GDAP1L1: variants seen among roughly 807,000 people sequenced by gnomAD.
GDAP1L1 encodes ganglioside induced differentiation associated protein 1 like 1.
A neutral mutation model predicts 37.1 loss-of-function variants in GDAP1L1; 21 were observed. That is an observed-to-expected ratio of 0.57 (90% CI 0.40 to 0.81). The LOEUF is 0.81. Ranked by LOEUF, GDAP1L1 falls within the 40% of genes least tolerant of loss-of-function variation. GDAP1L1 has a pLI of 0.00. For missense variants in GDAP1L1, 362 were observed against 491.6 expected (o/e 0.74, Z 2.49); for synonymous variants, 193 against 209.1 (o/e 0.92, Z 0.67).
rs958807847 is a variant in GDAP1L1 at position 44,270,381 on chromosome 20, G to A, written c.760+5822G>A. ...GAGACGGGGTTTCACCGTTTTAGCCGGGATGGTCTCGATCTCCTGACCTCG... is the reference window on the plus strand; with the variant it reads ...GAGACGGGGTTTCACCGTTTTAGCCAGGATGGTCTCGATCTCCTGACCTCG... On this transcript the variant is annotated intron_variant, in intron 5 of 5. Transcript: ENST00000342560. Among the ~76,000 whole-genome samples, 14 of 151,806 alleles carry A rather than the reference G, an allele frequency of 9.2e-5. No homozygotes were observed. In the East Asian group the frequency reaches 1.2e-3, roughly 13 times the overall value.
intron 1 of GDAP1L1, 139 bp downstream of exon 1, chr20:44,247,653 C>T (rs576768511): frequency 1.3e-6 from 1 of 776,026 alleles, no homozygotes; most frequent in East Asian, 2.8e-5. Flanking sequence ...TCGGGGGACG[C>T]AAGGGTTCCT....
intron 5 of GDAP1L1, among the ~76,000 whole-genome samples, chr20:44,271,162 G>C (rs567593110): frequency 1.1e-3 from 164 of 152,310 alleles, no homozygotes; most frequent in African/African-American, 3.7e-3. Flanking sequence ...TACTCAGGAG[G>C]CTGAGGCAGG....
intron 1 of GDAP1L1, among the ~76,000 whole-genome samples, chr20:44,256,869 GCCAGGAATCCTATC>G (rs2146000779): frequency 6.6e-6 from 1 of 152,198 alleles, no homozygotes; most frequent in Non-Finnish European, 1.5e-5. Flanking sequence ...CACTCACACA[GCCAGGAATCCTATC>G]CCAGATGTGT....
intron 5 of GDAP1L1, among the ~76,000 whole-genome samples, chr20:44,269,631 G>C (rs1316649183): frequency 6.6e-6 from 1 of 152,078 alleles, no homozygotes; most frequent in African/African-American, 2.4e-5. Context: ...GAGGTAAAGA[G>C]AATCAAAAGT....
rs1212396643 is a variant in GDAP1L1, at chr20:44,279,487, C to G, written c.*187C>G. The stretch of plus-strand genomic sequence containing the variant: ...AGTAGACGTTGCCAATGCTGTGACT[C>G]AAGGCCACGGCTCTACTAAAAGAGA... On this transcript the variant is annotated 3_prime_UTR_variant, in exon 6 of 6. Transcript: ENST00000342560. The G allele has an allele frequency of 4.2e-6, 3 of 709,984 alleles. No homozygotes were observed. The South Asian group carries it at 4.5e-5, about 11-fold the overall frequency. The allele number at this position is 709,984 out of a possible 1,614,324, so 44.0% of individuals were successfully genotyped here.
In GDAP1L1 at chr20:44,277,089, A is replaced by G. The variant is rs575880682; in HGVS notation, c.761-1868A>G. Among the ~76,000 whole-genome samples the G allele has an allele frequency of 7.2e-5, 11 of 152,160 alleles. No individual in the cohort carries two copies. In the East Asian group the frequency reaches 2.1e-3, roughly 29 times the overall value. Reference sequence around the variant, plus strand: ...GCCCAGGGTGGAGTGCAGTGGCACAATCTTGGCTCACTGCAACTTCCGCCT... The same window carrying G: ...GCCCAGGGTGGAGTGCAGTGGCACAGTCTTGGCTCACTGCAACTTCCGCCT... On this transcript the variant is annotated intron_variant, in intron 5 of 5. Transcript: ENST00000342560.
rs1280774275 is a variant in GDAP1L1, at chr20:44,258,462, G to A, written c.402G>A (p.Val134=). 6.4e-7 allele frequency: 1 copy of A among 1,553,710 alleles called. No homozygotes were observed. Among genetic ancestry groups the A allele is most frequent in the African/African-American group, 1.4e-5 (1 of 73,200 alleles). ...GEHVVALMPE[V]GSLQHARVLQ... Reference sequence around the variant, plus strand: ...ACGTGGTGGCCCTGATGCCCGAGGTGGGCAGCCTGCAGCACGCACGGGTGC... The same window carrying A: ...ACGTGGTGGCCCTGATGCCCGAGGTAGGCAGCCTGCAGCACGCACGGGTGC... Residue 134 remains valine, a synonymous_variant, in exon 3 of 6, where the codon GTG becomes GTA. Coordinates refer to ENST00000342560, the MANE Select transcript of GDAP1L1 (RefSeq NM_024034.6).
At chr20:44,268,369 G>A (rs1464628566) in intron 5 of GDAP1L1, among the ~76,000 whole-genome samples, 1 of 152,092 alleles carries the variant, frequency 6.6e-6, no homozygotes, top group East Asian at 1.9e-4. Context: ...CCTGGCTCAA[G>A]GTAAAATGTT....
chr20:44,247,361 C>T lies in GDAP1L1; in HGVS notation c.27C>T (p.Pro9=), dbSNP rs760518324. Residue 9 remains proline (P), a synonymous_variant, in exon 1 of 6, where the codon CCC becomes CCT. Coordinates refer to ENST00000342560, the MANE Select transcript of GDAP1L1 (RefSeq NM_024034.6). MATPNNLT[P]TNCSWWPISA... ...TGGCGACCCCCAACAATCTGACCCCCACCAACTGCAGCTGGTGGCCCATCT... is the reference window on the plus strand; with the variant it reads ...TGGCGACCCCCAACAATCTGACCCCTACCAACTGCAGCTGGTGGCCCATCT... The T allele has an allele frequency of 5.6e-6, 9 of 1,613,620 alleles. No homozygotes were observed. In the South Asian group the frequency reaches 9.9e-5, roughly 18 times the overall value.
intron 5 of GDAP1L1, among the ~76,000 whole-genome samples, chr20:44,274,348 T>C (rs768867738): frequency 5.3e-5 from 8 of 152,202 alleles, no homozygotes; most frequent in Non-Finnish European, 1.2e-4. Context: ...GACTTGTCTC[T>C]CACTACTGGC....
chr20:44,249,792 G>C (rs181331060), intron 1 of GDAP1L1, among the ~76,000 whole-genome samples: 1 of 152,190 alleles, frequency 6.6e-6, no homozygotes, highest in East Asian at 1.9e-4. Context: ...GTGGATTCTA[G>C]AAGCAGTGTA....
intron 5 of GDAP1L1, among the ~76,000 whole-genome samples, chr20:44,267,455 C>CA (rs1323946192): frequency 1.6e-4 from 25 of 151,834 alleles, no homozygotes; most frequent in Admixed American, 1.6e-3. Context: ...ACTAAAAATA[C>CA]AAAAAATTAG....
At chr20:44,276,851 G>A (rs998961511) in intron 5 of GDAP1L1, among the ~76,000 whole-genome samples, 1 of 152,124 alleles carries the variant, frequency 6.6e-6, no homozygotes, top group African/African-American at 2.4e-5. Context: ...GTGCAATGTG[G>A]CGCTGTGTTC....
chr20:44,248,377 C>T (rs80346596), intron 1 of GDAP1L1, among the ~76,000 whole-genome samples: 4,582 of 152,386 alleles, frequency 0.03, 144 homozygotes, highest in East Asian at 0.1. Flanking sequence ...GAGGCAGGTC[C>T]TGCAGGGGCC....
intron 1 of GDAP1L1, among the ~76,000 whole-genome samples, chr20:44,255,893 G>A (rs1450231004): frequency 1.3e-5 from 2 of 152,170 alleles, no homozygotes; most frequent in Non-Finnish European, 2.9e-5. Flanking sequence ...ACAGGCAGGG[G>A]GCAATAGGAC....
rs1319360439 is a variant in GDAP1L1 at position 44,247,393 on chromosome 20, T to C, written c.59T>C (p.Leu20Pro). 1.2e-6 allele frequency: 2 copies of C among 1,612,890 alleles called. No homozygotes were observed. Among genetic ancestry groups the C allele is most frequent in the South Asian group, 1.1e-5 (1 of 91,046 alleles). Residue 20 changes from leucine to proline, a missense_variant, in exon 1 of 6, where the codon CTG (leucine) becomes CCG (proline). Leu to Pro is a moderately conservative substitution (Grantham distance 98). Coordinates refer to ENST00000342560, the MANE Select transcript of GDAP1L1 (RefSeq NM_024034.6). ...TGCAGCTGGTGGCCCATCTCCGCGCTGGAGAGCGATGCGGCCAAGCCAGCG... is the reference window on the plus strand; with the variant it reads ...TGCAGCTGGTGGCCCATCTCCGCGCCGGAGAGCGATGCGGCCAAGCCAGCG... ...TNCSWWPISALESDAAKPAEA... is the reference protein window; with the variant it reads ...TNCSWWPISAPESDAAKPAEA...
At chr20:44,259,129 C>T (rs941032447) in intron 3 of GDAP1L1, among the ~76,000 whole-genome samples, 10 of 152,160 alleles carry the variant, frequency 6.6e-5, no homozygotes, top group African/African-American at 2.2e-4. Flanking sequence ...TGGCAAGGCC[C>T]CCAGTGAGGT....
In GDAP1L1 at chr20:44,264,600, C is replaced by T. The variant is rs547236937; in HGVS notation, c.760+41C>T. 27 of 1,595,034 alleles carry T rather than the reference C, an allele frequency of 1.7e-5. No homozygotes were observed. In the East Asian group the frequency reaches 4.8e-4, roughly 28 times the overall value. On this transcript the variant is annotated intron_variant, in intron 5 of 5. Transcript: ENST00000342560. ...GGGGGAGGTGGGGGCTGCAGCCCAC[C>T]CAGCCTACTCTTCCCCTGCCCAGTC...
intron 1 of GDAP1L1, among the ~76,000 whole-genome samples, chr20:44,252,728 C>A (rs1361756260): frequency 1.3e-5 from 2 of 151,108 alleles, no homozygotes; most frequent in Non-Finnish European, 2.9e-5. Context: ...GAGGCTGAGG[C>A]AGGAAAATCG....
Sources: allele counts gnomAD v4.1 joint callset (sites outside exome capture counted in the v4.1 genomes callset), GRCh38; gene constraint gnomAD v4.1.1; transcripts MANE v1.5; gene names NCBI Gene and HGNC (gene_info 2026-07-23, HGNC 2026-07-21).